ARID3B: variants seen among roughly 807,000 people sequenced by gnomAD.
The protein encoded by ARID3B is AT-rich interactive domain-containing protein 3B.
Under a neutral mutation model 51.9 loss-of-function variants are expected in ARID3B, and 10 were observed. The ratio of observed to expected loss-of-function variants is 0.19; its 90% CI spans 0.12 to 0.33. The LOEUF (loss-of-function observed/expected upper bound fraction) is 0.33. ARID3B is among the 10% of genes least tolerant of loss of function. The pLI is 1.00. For missense variants in ARID3B, 483 were observed against 716.3 expected (o/e 0.67, Z 3.72); for synonymous variants, 205 against 279.5 (o/e 0.73, Z 2.66).
chr15:74,595,151 T>C (rs2061819606), intron 8 of ARID3B, among the ~76,000 whole-genome samples: 1 of 152,068 alleles, frequency 6.6e-6, no homozygotes, highest in Admixed American at 6.6e-5. Flanking sequence ...GCTCAAGTGA[T>C]CCTCCTGCCT....
At chr15:74,577,214 A>G (rs1037137493) in intron 4 of ARID3B, among the ~76,000 whole-genome samples, 11 of 152,024 alleles carry the variant, frequency 7.2e-5, no homozygotes, top group Admixed American at 2.0e-4. Flanking sequence ...TCATGCCTAT[A>G]ATTCCAGCAC....
At chr15:74,550,771 C>T (rs1346239638) in intron 2 of ARID3B, among the ~76,000 whole-genome samples, 1 of 152,034 alleles carries the variant, frequency 6.6e-6, no homozygotes, top group Non-Finnish European at 1.5e-5. Context: ...GTACTTTGGA[C>T]AAGCGTTCTA....
chr15:74,580,526 A>G (rs2061757897), intron 4 of ARID3B, among the ~76,000 whole-genome samples: 2 of 152,166 alleles, frequency 1.3e-5, no homozygotes, highest in African/African-American at 4.8e-5. Context: ...ATTATACCAT[A>G]CACATTACAG....
intron 8 of ARID3B, among the ~76,000 whole-genome samples, chr15:74,594,111 T>C (rs967206605): frequency 4.0e-5 from 6 of 151,884 alleles, no homozygotes; most frequent in Admixed American, 1.3e-4. Context: ...TCCCATTTCA[T>C]TGGTTTACGG....
chr15:74,572,533 C>A (rs1157619363), intron 2 of ARID3B, among the ~76,000 whole-genome samples: 3 of 152,200 alleles, frequency 2.0e-5, no homozygotes, highest in Non-Finnish European at 4.4e-5. Flanking sequence ...GGAATGAGCC[C>A]CTTCTAAGCA....
Position 74,598,067 on chromosome 15 carries a change from G to A in ARID3B, c.*2293G>A. On this transcript the variant is annotated 3_prime_UTR_variant, in exon 9 of 9. Coordinates refer to ENST00000346246, the MANE Select transcript of ARID3B (RefSeq NM_006465.4). ...CTGCAGCAAGTGTCTATATGTTGTG[G>A]TTATTTTCTATCTTACATGTTCTCG... The A allele has an allele frequency of 1.9e-6, 1 of 523,762 alleles. No homozygotes were observed. The highest frequency in any genetic ancestry group is 3.7e-6 in the Non-Finnish European group (1 of 268,226). 32.4% of individuals were successfully genotyped at this position (523,762 alleles called of 1,614,324 possible). A position where few individuals can be genotyped will look rare whatever the true frequency, so the allele number is the denominator to read the frequency against.
intron 2 of ARID3B, among the ~76,000 whole-genome samples, chr15:74,571,415 C>T (rs969161516): frequency 2.0e-5 from 3 of 152,190 alleles, no homozygotes; most frequent in African/African-American, 7.2e-5. Flanking sequence ...TGGCATGGTA[C>T]GCATGCACCT....
intron 2 of ARID3B, among the ~76,000 whole-genome samples, chr15:74,554,772 T>C (rs761397736): frequency 6.6e-6 from 1 of 152,242 alleles, no homozygotes; most frequent in Admixed American, 6.5e-5. Flanking sequence ...TAGATTGTAA[T>C]TTATATTCTT....
intron 2 of ARID3B, among the ~76,000 whole-genome samples, chr15:74,560,802 C>G (rs1370162077): frequency 6.6e-6 from 1 of 152,084 alleles, no homozygotes; most frequent in Non-Finnish European, 1.5e-5. Context: ...ACCCTATGCC[C>G]TGGTATATGT....
chr15:74,556,778 T>TTTTG (rs2061659802), intron 2 of ARID3B, among the ~76,000 whole-genome samples: 1 of 145,094 alleles, frequency 6.9e-6, no homozygotes, highest in African/African-American at 2.5e-5. Context: ...TGTTTTTTGT[T>TTTTG]TTTTTTTTTT....
chr15:74,583,542 C>A lies in ARID3B; in HGVS notation c.698-6278C>A, dbSNP rs1596262581. Among the ~76,000 whole-genome samples, 23 of 151,988 alleles carry A rather than the reference C, an allele frequency of 1.5e-4. No individual in the cohort carries two copies. The South Asian group carries it at 4.6e-3, about 30-fold the overall frequency. On this transcript the variant is annotated intron_variant, in intron 4 of 8. Coordinates refer to ENST00000346246, the MANE Select transcript of ARID3B (RefSeq NM_006465.4). ...AGACCAGCCTGGCCAAATGGTGAAA[C>A]CCTGTCTCCACTAAAAATGCAAAAA...
intron 4 of ARID3B, among the ~76,000 whole-genome samples, chr15:74,576,931 A>T (rs1266910632): frequency 6.6e-6 from 1 of 152,208 alleles, no homozygotes; most frequent in Non-Finnish European, 1.5e-5. Context: ...GCCAGGGGCC[A>T]TCCTGGATGG....
At chr15:74,560,344 A>T (rs2061675552) in intron 2 of ARID3B, among the ~76,000 whole-genome samples, 1 of 152,182 alleles carries the variant, frequency 6.6e-6, no homozygotes, top group African/African-American at 2.4e-5. Flanking sequence ...AATTTTAGAA[A>T]TTTGGAAATG....
chr15:74,561,011 C>CT (rs2061677915), intron 2 of ARID3B, among the ~76,000 whole-genome samples: 1 of 152,118 alleles, frequency 6.6e-6, no homozygotes, highest in Non-Finnish European at 1.5e-5. Flanking sequence ...TATGAAACTC[C>CT]TGGGCTCAAG....
chr15:74,591,009 T>C lies in ARID3B; in HGVS notation c.882-142T>C. On this transcript the variant is annotated intron_variant, in intron 5 of 8. Coordinates refer to ENST00000346246, the MANE Select transcript of ARID3B (RefSeq NM_006465.4). The surrounding 1 kb of genome is among the most constrained non-coding windows in gnomAD (Gnocchi z 5.8). ...CAGAGTGTCCGGCCATCCCAGACTT[T>C]TCTGCCAAGTATACCAAGGTTGCAA... 1 of 1,322,910 alleles carries C rather than the reference T, an allele frequency of 7.6e-7. No homozygotes were observed. The highest frequency in any genetic ancestry group is 1.0e-6 in the Non-Finnish European group (1 of 974,320). The allele number at this position is 1,322,910 out of a possible 1,614,324, so 81.9% of individuals were successfully genotyped here.
chr15:74,585,053 C>G (rs768825966), intron 4 of ARID3B, among the ~76,000 whole-genome samples: 140 of 152,300 alleles, frequency 9.2e-4, no homozygotes, highest in Non-Finnish European at 6.5e-4. Context: ...TCAGAGAGAG[C>G]ATGATTAATT....
chr15:74,566,180 C>T (rs891553705), intron 2 of ARID3B, among the ~76,000 whole-genome samples: 1 of 152,168 alleles, frequency 6.6e-6, no homozygotes, highest in Non-Finnish European at 1.5e-5. Context: ...ACCCCCAGTG[C>T]AGGCTTTCCC....
At chr15:74,572,958 C>T in intron 3 of ARID3B, 25 bp downstream of exon 3, 2 of 1,612,488 alleles carry the variant, frequency 1.2e-6, no homozygotes, top group South Asian at 2.2e-5. Context: ...CTTTGTGATA[C>T]AGATAGGGGC....
rs2061804474 is a variant in ARID3B at position 74,591,742 on chromosome 15, C to A, written c.1348C>A (p.Gln450Lys). ...GTCTGAGGAGGAGCAGCGCCTGGTG[C>A]AGCAGGCCTTCCAGCGCAACTTTTT... is the stretch of plus-strand genomic sequence containing the variant. ...RLSEEEQRLV[Q>K]QAFQRNFFSM... is the part of the protein sequence containing the mutation. Residue 450 changes from glutamine to lysine, a missense_variant, in exon 7 of 9, where the codon CAG becomes AAG. Coordinates refer to ENST00000346246, the MANE Select transcript of ARID3B (RefSeq NM_006465.4). This position sits in a 1 kb window ranked among gnomAD's most constrained non-coding sequence, Gnocchi z 5.8. 1 of 1,614,214 alleles carries A rather than the reference C, an allele frequency of 6.2e-7. No individual in the cohort carries two copies.
Sources: allele counts gnomAD v4.1 joint callset (sites outside exome capture counted in the v4.1 genomes callset), GRCh38; gene constraint gnomAD v4.1.1; non-coding constraint Gnocchi (gnomAD v3.1); transcripts MANE v1.5; gene names NCBI Gene and HGNC (gene_info 2026-07-23, HGNC 2026-07-21).